The following PRAG1 variants were observed in gnomAD, a reference collection of about 807,000 sequenced individuals.
PRAG1 encodes PEAK1 related, kinase-activating pseudokinase 1, also known as inactive tyrosine-protein kinase PRAG1.
Under a neutral mutation model 95.6 loss-of-function variants are expected in PRAG1, and 110 were observed. The ratio of observed to expected loss-of-function variants is 1.15; its 90% CI spans 0.99 to 1.35. The LOEUF is 1.35. PRAG1 is among the 40% of genes most tolerant of loss of function. The pLI, the probability that PRAG1 is intolerant of heterozygous loss-of-function variation, is 0.00. For synonymous variants in PRAG1, 1,052 were observed against 819.4 expected (o/e 1.28, Z -4.85); for missense variants, 2,554 against 1,864.7 (o/e 1.37, Z -6.81).
At chr8:8,330,015 G>A (rs1453019871) in intron 4 of PRAG1, among the ~76,000 whole-genome samples, 1 of 152,200 alleles carries the variant, frequency 6.6e-6, no homozygotes, top group Non-Finnish European at 1.5e-5. Flanking sequence ...CTGGGGAGCT[G>A]AGCAAGACTA....
At chr8:8,345,308 A>G (rs952630391) in intron 3 of PRAG1, among the ~76,000 whole-genome samples, 4 of 149,896 alleles carry the variant, frequency 2.7e-5, no homozygotes, top group African/African-American at 9.9e-5. Flanking sequence ...AGGTGGGAGG[A>G]TCACTTGAGC....
At chr8:8,357,661 C>T (rs182310183) in intron 3 of PRAG1, among the ~76,000 whole-genome samples, 5 of 152,232 alleles carry the variant, frequency 3.3e-5, no homozygotes, top group Admixed American at 2.0e-4. Context: ...ATAGAATCAC[C>T]AAATGAGCCA....
Position 8,318,453 on chromosome 8 carries a change from G to C in PRAG1, c.3922C>G (p.Leu1308Val), listed in dbSNP as rs776311500. The C allele has an allele frequency of 6.2e-7, 1 of 1,612,412 alleles. No homozygotes were observed. Among genetic ancestry groups the C allele is most frequent in the Admixed American group, 1.7e-5 (1 of 59,996 alleles). Residue 1308 changes from leucine (L) to valine (V), a missense_variant, in exon 6 of 6, where the codon CTG (leucine) becomes GTG (valine). Coordinates refer to ENST00000615670, the MANE Select transcript of PRAG1 (RefSeq NM_001080826.3). The surrounding 1 kb of genome is among the most constrained non-coding windows in gnomAD (Gnocchi z 4.2). The stretch of plus-strand genomic sequence containing the variant: ...ATACGCTTGATGGGGTCGGCCTCCA[G>C]TAGCAGATGTGCCAGCTGCTGCAGG... ...PGLQQLAHLL[L>V]EADPIKRIRI...
chr8:8,368,287 G>C (rs992721121), intron 3 of PRAG1, among the ~76,000 whole-genome samples: 1 of 152,198 alleles, frequency 6.6e-6, no homozygotes, highest in Non-Finnish European at 1.5e-5. Flanking sequence ...AAGTCTGCCT[G>C]TCAGAGAAGC....
Position 8,347,550 on chromosome 8 carries a change from T to C in PRAG1, c.2163-7915A>G, listed in dbSNP as rs75044859. On this transcript the variant is annotated intron_variant, in intron 3 of 5. Transcript: ENST00000615670. ...TAGCCACTTACTAAAGTCAAAATCATTAAGCAATTCGAGTTTTCTTGGTGG... is the reference window on the plus strand; with the variant it reads ...TAGCCACTTACTAAAGTCAAAATCACTAAGCAATTCGAGTTTTCTTGGTGG... 4.4e-3 allele frequency among the ~76,000 whole-genome samples: 670 copies of C among 152,328 alleles called. 3 individuals carry two copies. Among genetic ancestry groups the C allele is most frequent in the African/African-American group, 0.014 (595 of 41,582 alleles).
chr8:8,322,566 T>G (rs528333745), intron 5 of PRAG1, among the ~76,000 whole-genome samples: 41 of 152,106 alleles, frequency 2.7e-4, no homozygotes, highest in Non-Finnish European at 5.3e-4. Flanking sequence ...GTTCAGGCCA[T>G]GATGGGAAGG....
Position 8,376,642 on chromosome 8 carries a change from G to C in PRAG1, c.1767C>G (p.Ser589=). The stretch of plus-strand genomic sequence containing the variant: ...AAGGAGCGGGGTCAGCAGGACCTTG[G>C]GATGGAGGCTGGGGCCCAATGCTGC... ...GGSSIGPQPP[S]QGPADPAPSC... The change falls in exon 3 of 6, where the codon TCC becomes TCG. Residue 589 remains serine (S), a synonymous_variant. Coordinates refer to ENST00000615670, the MANE Select transcript of PRAG1 (RefSeq NM_001080826.3). The C allele has an allele frequency of 6.2e-7, 1 of 1,607,366 alleles. No homozygotes were observed. Among genetic ancestry groups the C allele is most frequent in the Non-Finnish European group, 8.5e-7 (1 of 1,176,934 alleles).
chr8:8,347,852 T>C (rs747607024), intron 3 of PRAG1, among the ~76,000 whole-genome samples: 24 of 148,754 alleles, frequency 1.6e-4, no homozygotes, highest in Non-Finnish European at 4.4e-5. Context: ...AGTCTCACTC[T>C]GTCACCCAGG....
intron 5 of PRAG1, among the ~76,000 whole-genome samples, chr8:8,324,506 C>T (rs1251038701): frequency 6.6e-6 from 1 of 152,152 alleles, no homozygotes; most frequent in Non-Finnish European, 1.5e-5. Flanking sequence ...GATCATTCCA[C>T]AGCACTGGGT....
rs1335442365 is a variant in PRAG1, at chr8:8,377,353, G to T, written c.1056C>A (p.Gly352=). 1 of 464,512 alleles carries T rather than the reference G, an allele frequency of 2.2e-6. No homozygotes were observed. The highest frequency in any genetic ancestry group is 2.0e-5 in the African/African-American group (1 of 49,338). 28.8% of individuals were successfully genotyped at this position (464,512 alleles called of 1,614,324 possible). A position where few individuals can be genotyped will look rare whatever the true frequency, so the allele number is the denominator to read the frequency against. ...SCGSGSGSGS[G]ASSPFVPHLE... Reference sequence around the variant, plus strand: ...GGTGGGGGACGAAGGGGCTACTGGCGCCGCTGCCGCTGCCGCTGCCGCTGC... The same window carrying T: ...GGTGGGGGACGAAGGGGCTACTGGCTCCGCTGCCGCTGCCGCTGCCGCTGC... The change falls in exon 3 of 6, where the codon GGC becomes GGA. Residue 352 remains glycine, a synonymous_variant. Transcript: ENST00000615670.
At chr8:8,375,767 C>G (rs1234538605) in intron 3 of PRAG1, among the ~76,000 whole-genome samples, 2 of 152,010 alleles carry the variant, frequency 1.3e-5, no homozygotes, top group Non-Finnish European at 2.9e-5. Context: ...TCAAGTAATC[C>G]TCCTGCTTCG....
At chr8:8,326,310 T>A (rs1302422420) in intron 5 of PRAG1, among the ~76,000 whole-genome samples, 1 of 151,434 alleles carries the variant, frequency 6.6e-6, no homozygotes, top group Non-Finnish European at 1.5e-5. Context: ...GTTAGCAATA[T>A]TATTTTAAAA....
In PRAG1 at chr8:8,327,776, G is replaced by A. The variant is rs1452347925; in HGVS notation, c.3006C>T (p.Asp1002=). Residue 1002 remains aspartate, a synonymous_variant, in exon 5 of 6, where the codon GAC becomes GAT. Coordinates refer to ENST00000615670, the MANE Select transcript of PRAG1 (RefSeq NM_001080826.3). The part of the protein sequence containing the change: ...FKLTCNKPCC[D]SGDAIYYCAT... ...CACAGTAATAAATGGCATCCCCCGA[G>A]TCACAGCAGGGCTTGTTACAAGTCA... 3.7e-6 allele frequency: 6 copies of A among 1,614,236 alleles called. No homozygotes were observed. Among genetic ancestry groups the A allele is most frequent in the South Asian group, 1.1e-5 (1 of 91,084 alleles).
intron 4 of PRAG1, among the ~76,000 whole-genome samples, 168 bp from the exon 5 acceptor site, chr8:8,328,629 C>G (rs1016327228): frequency 6.6e-6 from 1 of 152,186 alleles, no homozygotes; most frequent in Non-Finnish European, 1.5e-5. Flanking sequence ...TGGAAAAAAT[C>G]AAAATGCAGA....
chr8:8,368,591 CA>C (rs1194387329), intron 3 of PRAG1, among the ~76,000 whole-genome samples: 1 of 152,050 alleles, frequency 6.6e-6, no homozygotes, highest in Non-Finnish European at 1.5e-5. Flanking sequence ...CCCAAAACAA[CA>C]ACAAAAAATT....
intron 3 of PRAG1, among the ~76,000 whole-genome samples, chr8:8,355,497 G>T (rs1799652912): frequency 6.6e-6 from 1 of 152,120 alleles, no homozygotes; most frequent in Non-Finnish European, 1.5e-5. Flanking sequence ...GATGAATTTG[G>T]AGCCTTCATA....
At chr8:8,368,225 C>A (rs1367597688) in intron 3 of PRAG1, among the ~76,000 whole-genome samples, 1 of 152,146 alleles carries the variant, frequency 6.6e-6, no homozygotes, top group African/African-American at 2.4e-5. Context: ...TTTAAAGTAG[C>A]CTTCGGCCTG....
chr8:8,350,026 G>A (rs900895297), intron 3 of PRAG1, among the ~76,000 whole-genome samples: 1 of 151,656 alleles, frequency 6.6e-6, no homozygotes, highest in Non-Finnish European at 1.5e-5. Context: ...TTTCAGTCAA[G>A]GATAAAAATT....
intron 3 of PRAG1, among the ~76,000 whole-genome samples, chr8:8,355,415 C>T (rs1799650965): frequency 6.6e-6 from 1 of 151,854 alleles, no homozygotes; most frequent in South Asian, 2.1e-4. Context: ...AAAAACAATC[C>T]TAAAATTCAT....
Sources: gnomAD v4.1 joint callset for allele counts (sites outside exome capture counted in the v4.1 genomes callset) on GRCh38, gnomAD v4.1.1 for gene constraint, Gnocchi (gnomAD v3.1) non-coding constraint, MANE v1.5 for transcripts, NCBI Gene and HGNC (gene_info 2026-07-23, HGNC 2026-07-21) for gene names.